The following MAST4 variants were observed in gnomAD, a reference collection of about 807,000 sequenced individuals.
MAST4 encodes microtubule associated serine/threonine kinase family member 4, also known as microtubule-associated serine/threonine-protein kinase 4.
MAST4 carries 89 observed loss-of-function variants against 162.7 expected under a neutral mutation model. The ratio of observed to expected loss-of-function variants is 0.55; its 90% CI spans 0.46 to 0.65. The LOEUF is 0.65. Among genes scored for constraint, MAST4 ranks in the 30% least tolerant of loss-of-function variants. The pLI is 0.00. For missense variants in MAST4, 3,153 were observed against 3,374.0 expected (o/e 0.93, Z 1.62); for synonymous variants, 1,479 against 1,361.1 (o/e 1.09, Z -1.91).
chr5:66,911,456 C>G (rs1013448782), intron 4 of MAST4, among the ~76,000 whole-genome samples: 7 of 150,368 alleles, frequency 4.7e-5, no homozygotes. Context: ...AATGCCAGCA[C>G]TTGGAGAGGC....
At chr5:66,883,509 A>G (rs759382248) in intron 3 of MAST4, among the ~76,000 whole-genome samples, 3 of 145,502 alleles carry the variant, frequency 2.1e-5, no homozygotes, top group East Asian at 2.0e-4. Context: ...GCTCACTGCA[A>G]CCTCCGCCTC....
intron 3 of MAST4, among the ~76,000 whole-genome samples, chr5:66,857,126 A>G (rs556323408): frequency 1.3e-5 from 2 of 152,166 alleles, no homozygotes; most frequent in African/African-American, 4.8e-5. Context: ...TTTGATATGC[A>G]CATTTCTAGT....
intron 4 of MAST4, among the ~76,000 whole-genome samples, chr5:66,911,441 C>G (rs958717616): frequency 2.0e-5 from 3 of 151,756 alleles, no homozygotes; most frequent in Non-Finnish European, 4.4e-5. Context: ...GTTGCTTACT[C>G]CTATAATGCC....
intron 5 of MAST4, among the ~76,000 whole-genome samples, chr5:67,069,594 T>A (rs1760684171): frequency 6.6e-6 from 1 of 152,144 alleles, no homozygotes; most frequent in Non-Finnish European, 1.5e-5. Context: ...GCACTCCGCA[T>A]TTCATCAGCA....
At chr5:67,103,323 G>T (rs1765239121) in intron 9 of MAST4, among the ~76,000 whole-genome samples, 1 of 152,182 alleles carries the variant, frequency 6.6e-6, no homozygotes, top group African/African-American at 2.4e-5. Context: ...AGCCTGTGTT[G>T]CCCTAAACAG....
At chr5:66,691,794 G>A (rs1749057608) in intron 1 of MAST4, among the ~76,000 whole-genome samples, 1 of 152,056 alleles carries the variant, frequency 6.6e-6, no homozygotes, top group Non-Finnish European at 1.5e-5. Context: ...TAATACTATC[G>A]CATTGGGGGT....
At chr5:66,895,978 A>T (rs1762658174) in intron 3 of MAST4, among the ~76,000 whole-genome samples, 1 of 152,196 alleles carries the variant, frequency 6.6e-6, no homozygotes, top group East Asian at 1.9e-4. Flanking sequence ...CATGACTTTA[A>T]CATTGGTACA....
intron 1 of MAST4, among the ~76,000 whole-genome samples, chr5:66,744,636 T>C (rs1385399741): frequency 6.6e-6 from 1 of 152,080 alleles, no homozygotes; most frequent in Non-Finnish European, 1.5e-5. Flanking sequence ...ATGCATGTCT[T>C]ACATGGCAGG....
chr5:66,652,335 C>T (rs990996108), intron 1 of MAST4, among the ~76,000 whole-genome samples: 7 of 152,122 alleles, frequency 4.6e-5, no homozygotes, highest in Non-Finnish European at 8.8e-5. Flanking sequence ...TCATATCACC[C>T]TGCATAGTGC....
At chr5:66,913,576 A>G (rs184600944) in intron 4 of MAST4, among the ~76,000 whole-genome samples, 1 of 152,312 alleles carries the variant, frequency 6.6e-6, no homozygotes, top group East Asian at 1.9e-4. Context: ...TAAACCTGAT[A>G]TATGTGATCT....
At chr5:67,101,801 A>G (rs1581564287) in intron 8 of MAST4, among the ~76,000 whole-genome samples, 1 of 151,928 alleles carries the variant, frequency 6.6e-6, no homozygotes, top group African/African-American at 2.4e-5. Flanking sequence ...ACCATGTTTT[A>G]CTACATTGGT....
chr5:66,862,148 A>G (rs1760166090), intron 3 of MAST4, among the ~76,000 whole-genome samples: 2 of 152,202 alleles, frequency 1.3e-5, no homozygotes, highest in African/African-American at 4.8e-5. Context: ...ATCAAGTCTA[A>G]TTATCAGAGC....
chr5:67,085,652 T>C (rs2150764117), intron 5 of MAST4, among the ~76,000 whole-genome samples: 1 of 152,364 alleles, frequency 6.6e-6, no homozygotes, highest in South Asian at 2.1e-4. Context: ...TTGATTGGCC[T>C]GCCTGTGAAC....
At chr5:66,780,886 C>G (rs1305106149) in intron 2 of MAST4, among the ~76,000 whole-genome samples, 1 of 152,310 alleles carries the variant, frequency 6.6e-6, no homozygotes, top group South Asian at 2.1e-4. Flanking sequence ...GGTGCGTTTA[C>G]AATCCTCTAG....
rs75940901 is a variant in MAST4, at chr5:67,058,370, G to T, written c.763+3878G>T. On this transcript the variant is annotated intron_variant, in intron 5 of 28. Transcript: ENST00000403625. ...ATTTTGGTTAGTGGTTTTCAGTATT[G>T]GTGAATATTTCAAATGTGTTTACCC... 6.3e-3 allele frequency among the ~76,000 whole-genome samples: 952 copies of T among 152,216 alleles called. 7 individuals carry two copies. The highest frequency in any genetic ancestry group is 0.024 in the Middle Eastern group (7 of 292).
intron 3 of MAST4, among the ~76,000 whole-genome samples, chr5:66,887,824 G>A (rs1762133419): frequency 6.6e-6 from 1 of 152,204 alleles, no homozygotes; most frequent in Admixed American, 6.5e-5. Context: ...AGGGGAGGGT[G>A]TGAAATAGGA....
At chr5:66,776,154 T>C (rs763825944) in intron 2 of MAST4, among the ~76,000 whole-genome samples, 21 of 152,228 alleles carry the variant, frequency 1.4e-4, no homozygotes, top group Non-Finnish European at 2.5e-4. Context: ...GGTTGTGATA[T>C]GGAGTTTATT....
intron 3 of MAST4, among the ~76,000 whole-genome samples, chr5:66,897,692 CTAT>C (rs1248068641): frequency 6.6e-6 from 1 of 152,192 alleles, no homozygotes; most frequent in East Asian, 1.9e-4. Context: ...TGACAGTGGC[CTAT>C]TAAATGTCCT....
At chr5:67,147,567 A>C (rs1181413985) in intron 23 of MAST4, among the ~76,000 whole-genome samples, 1 of 152,216 alleles carries the variant, frequency 6.6e-6, no homozygotes, top group Non-Finnish European at 1.5e-5. Flanking sequence ...AAACGTCTTG[A>C]AGTCTTAGAT....
Sources: gnomAD v4.1 joint callset for allele counts (sites outside exome capture counted in the v4.1 genomes callset) on GRCh38, gnomAD v4.1.1 for gene constraint, MANE v1.5 for transcripts, NCBI Gene and HGNC (gene_info 2026-07-23, HGNC 2026-07-21) for gene names.